The following SPOCK3 variants were observed in gnomAD, a reference collection of about 807,000 sequenced individuals.
The protein encoded by SPOCK3 is testican-3.
SPOCK3 carries 30 observed loss-of-function variants against 56.6 expected under a neutral mutation model. The ratio of observed to expected loss-of-function variants is 0.53; its 90% CI spans 0.40 to 0.72. The LOEUF (loss-of-function observed/expected upper bound fraction) is 0.72. Ranked by LOEUF, SPOCK3 falls within the 30% of genes least tolerant of loss-of-function variation. The pLI is 0.00. For missense variants in SPOCK3, 527 were observed against 530.0 expected, an observed-to-expected ratio of 0.99 and a Z score of 0.06; for synonymous variants, 196 against 183.3, an observed-to-expected ratio of 1.07 and a Z score of -0.56.
intron 2 of SPOCK3, among the ~76,000 whole-genome samples, chr4:167,077,050 GT>G (rs1379229473): frequency 1.3e-5 from 2 of 151,770 alleles, no homozygotes; most frequent in Non-Finnish European, 2.9e-5. Context: ...ATTAAAATAT[GT>G]CAATTGAGAT....
chr4:166,852,379 G>A (rs1462638556), intron 6 of SPOCK3, among the ~76,000 whole-genome samples: 1 of 152,024 alleles, frequency 6.6e-6, no homozygotes, highest in Admixed American at 6.6e-5. Context: ...CTTGAAAACT[G>A]AGGTGCTGCC....
At chr4:167,065,593 T>A (rs575997411) in intron 2 of SPOCK3, among the ~76,000 whole-genome samples, 8 of 151,888 alleles carry the variant, frequency 5.3e-5, no homozygotes, top group Non-Finnish European at 1.0e-4. Context: ...ATGATGGAAA[T>A]GCAAAGTAGT....
chr4:167,084,848 T>A (rs768232984), intron 2 of SPOCK3, among the ~76,000 whole-genome samples: 20 of 152,110 alleles, frequency 1.3e-4, no homozygotes, highest in Non-Finnish European at 2.2e-4. Flanking sequence ...TTTATAAATA[T>A]ATTAAAAATG....
chr4:166,780,739 G>C (rs762257433), intron 7 of SPOCK3, among the ~76,000 whole-genome samples: 1 of 152,116 alleles, frequency 6.6e-6, no homozygotes, highest in African/African-American at 2.4e-5. Context: ...CAGATACATA[G>C]TACCTTCCTA....
At chr4:167,006,095 T>G (rs1749443769) in intron 3 of SPOCK3, among the ~76,000 whole-genome samples, 1 of 152,226 alleles carries the variant, frequency 6.6e-6, no homozygotes, top group South Asian at 2.1e-4. Flanking sequence ...ATCTGCTCTG[T>G]GCCAGTATAG....
intron 4 of SPOCK3, among the ~76,000 whole-genome samples, chr4:166,971,339 T>C (rs1235431646): frequency 6.6e-6 from 1 of 152,138 alleles, no homozygotes; most frequent in Non-Finnish European, 1.5e-5. Flanking sequence ...ACAGAGGTGC[T>C]TTTTTTAAAA....
At chr4:167,100,424 C>G (rs1351951428) in intron 2 of SPOCK3, among the ~76,000 whole-genome samples, 1 of 151,220 alleles carries the variant, frequency 6.6e-6, no homozygotes, top group Non-Finnish European at 1.5e-5. Flanking sequence ...TCTCTCTCTT[C>G]TCTCTTTCTT....
chr4:166,984,721 A>G (rs2150100008), intron 4 of SPOCK3, among the ~76,000 whole-genome samples: 1 of 152,230 alleles, frequency 6.6e-6, no homozygotes, highest in South Asian at 2.1e-4. Flanking sequence ...CCTCTCTTCT[A>G]AGACAGTTCA....
At chr4:166,915,143 C>A (rs912326632) in intron 4 of SPOCK3, among the ~76,000 whole-genome samples, 1 of 152,026 alleles carries the variant, frequency 6.6e-6, no homozygotes, top group Non-Finnish European at 1.5e-5. Context: ...TATCACCTGT[C>A]CACCTATATG....
At chr4:167,114,460 AC>A (rs1238201059) in intron 2 of SPOCK3, among the ~76,000 whole-genome samples, 1 of 152,118 alleles carries the variant, frequency 6.6e-6, no homozygotes, top group Non-Finnish European at 1.5e-5. Flanking sequence ...GATTAAATAT[AC>A]GAGCTCCCTC....
At chr4:166,863,985 C>A (rs1417571085) in intron 6 of SPOCK3, among the ~76,000 whole-genome samples, 1 of 152,126 alleles carries the variant, frequency 6.6e-6, no homozygotes, top group African/African-American at 2.4e-5. Flanking sequence ...AATATACATT[C>A]TTCTCAGCAC....
At chr4:167,202,665 G>A (rs1561317697) in intron 2 of SPOCK3, among the ~76,000 whole-genome samples, 1 of 151,710 alleles carries the variant, frequency 6.6e-6, no homozygotes, top group South Asian at 2.1e-4. Context: ...GAAGGGTAGA[G>A]ATATGACTGC....
At chr4:166,793,289 CATAAT>C (rs1484389058) in intron 6 of SPOCK3, among the ~76,000 whole-genome samples, 2 of 151,940 alleles carry the variant, frequency 1.3e-5, no homozygotes, top group Non-Finnish European at 2.9e-5. Flanking sequence ...TCATAAATAA[CATAAT>C]GTAATGTAAT....
intron 2 of SPOCK3, among the ~76,000 whole-genome samples, chr4:167,217,740 A>G (rs971513903): frequency 6.6e-6 from 1 of 152,116 alleles, no homozygotes. Context: ...TAAGAAAGAA[A>G]CTTGGTGGTG....
At chr4:166,908,623 C>T (rs1407191107) in intron 5 of SPOCK3, among the ~76,000 whole-genome samples, 1 of 151,858 alleles carries the variant, frequency 6.6e-6, no homozygotes, top group African/African-American at 2.4e-5. Flanking sequence ...TTGCCAAGCA[C>T]TGCATCACTA....
chr4:166,794,643 C>CTT lies in SPOCK3; in HGVS notation c.590-2356_590-2355dup, dbSNP rs1170214198. On this transcript the variant is annotated intron_variant, in intron 6 of 10. Transcript: ENST00000357545. ...TTCTTTTTTTTTTCTTTCTTTCTTT[C>CTT]TTTTTTTTTTTTTTTTGAGACAGAG... is the stretch of plus-strand genomic sequence containing the variant. 7.9e-4 allele frequency among the ~76,000 whole-genome samples: 100 copies of CTT among 127,354 alleles called. 1 individual carries two copies. The highest frequency in any genetic ancestry group is 1.8e-3 in the African/African-American group (61 of 34,340). 83.5% of individuals were successfully genotyped at this position (127,354 alleles called of 152,430 possible).
intron 7 of SPOCK3, among the ~76,000 whole-genome samples, chr4:166,764,600 T>C (rs1198463276): frequency 6.6e-6 from 1 of 152,194 alleles, no homozygotes; most frequent in East Asian, 1.9e-4. Flanking sequence ...TGATGGACAT[T>C]TGGGTTGGTT....
At chr4:166,929,313 A>C (rs187127590) in intron 4 of SPOCK3, among the ~76,000 whole-genome samples, 1 of 152,324 alleles carries the variant, frequency 6.6e-6, no homozygotes, top group East Asian at 1.9e-4. Context: ...CCCACTGCAG[A>C]AGTGAGTAAT....
intron 3 of SPOCK3, among the ~76,000 whole-genome samples, chr4:167,062,167 T>C (rs1013210594): frequency 8.6e-5 from 13 of 151,882 alleles, no homozygotes; most frequent in Non-Finnish European, 1.8e-4. Context: ...AATAAATCTA[T>C]TGCCCAGTGA....
Sources: gnomAD v4.1 joint callset for allele counts (sites outside exome capture counted in the v4.1 genomes callset) on GRCh38, gnomAD v4.1.1 for gene constraint, MANE v1.5 for transcripts, NCBI Gene and HGNC (gene_info 2026-07-23, HGNC 2026-07-21) for gene names.